SPDL1: variants seen among roughly 807,000 people sequenced by gnomAD.
The protein encoded by SPDL1 is spindle apparatus coiled-coil protein 1, also known as protein Spindly.
SPDL1 carries 85 observed loss-of-function variants against 79.5 expected under a neutral mutation model. That is an observed-to-expected ratio of 1.07 (90% CI 0.90 to 1.28). SPDL1 has a LOEUF of 1.28. Ranked by LOEUF, SPDL1 falls within the 50% of genes most tolerant of loss-of-function variation. The pLI is 0.00. For synonymous variants in SPDL1, 269 were observed against 240.3 expected, an observed-to-expected ratio of 1.12 and a Z score of -1.10; for missense variants, 703 against 697.8, an observed-to-expected ratio of 1.01 and a Z score of -0.08.
intron 10 of SPDL1, 86 bp downstream of exon 10, chr5:169,599,245 A>G: frequency 2.8e-6 from 3 of 1,076,886 alleles, no homozygotes; most frequent in South Asian, 2.4e-5. Context: ...AGTTTTATGC[A>G]ACTCTATTAC....
chr5:169,604,163 G>A lies in SPDL1; in HGVS notation c.1774G>A (p.Val592Met). Residue 592 changes from valine (V) to methionine (M), a missense_variant, in exon 12 of 12, where the codon GTG (valine) becomes ATG (methionine). Coordinates refer to ENST00000265295, the MANE Select transcript of SPDL1 (RefSeq NM_017785.5). ...TAAGAAATTACACCCTATTCTATAT[G>A]TGTCTTCTAAATCTACTCCAGAGAC... ...TCKKLHPILY[V>M]SSKSTPETQC... 6.2e-7 allele frequency: 1 copy of A among 1,610,416 alleles called. No homozygotes were observed. The highest frequency in any genetic ancestry group is 8.5e-7 in the Non-Finnish European group (1 of 1,178,774).
rs142452983 is a variant in SPDL1, at chr5:169,587,746, A to G, written c.-23-648A>G. Among the ~76,000 whole-genome samples the G allele has an allele frequency of 5.7e-3, 872 of 152,160 alleles. 14 individuals are homozygous for G. The highest frequency in any genetic ancestry group is 0.02 in the African/African-American group (847 of 41,502). ...TTCTGGTGGTATTATTGTTATTATC[A>G]TTATTATTTCTCAAGACAGTGTCTT... On this transcript the variant is annotated intron_variant, in intron 1 of 11. Transcript: ENST00000265295.
chr5:169,584,491 C>T (rs578244720), intron 1 of SPDL1, among the ~76,000 whole-genome samples: 1 of 152,144 alleles, frequency 6.6e-6, no homozygotes, highest in African/African-American at 2.4e-5. Context: ...TTTCAGTAAC[C>T]GATTAGGTGG....
At chr5:169,592,213 C>CT (rs1755325849) in intron 3 of SPDL1, among the ~76,000 whole-genome samples, 18 of 27,268 alleles carry the variant, frequency 6.6e-4, no homozygotes, top group East Asian at 3.2e-3. Context: ...ATTTTTTTTT[C>CT]CTTTTTTTTT....
In SPDL1 at chr5:169,594,262, A is replaced by G. The variant is rs763946722; in HGVS notation, c.649A>G (p.Lys217Glu). 4 of 1,614,066 alleles carry G rather than the reference A, an allele frequency of 2.5e-6. No individual in the cohort carries two copies. The Middle Eastern group carries it at 4.9e-4, about 200-fold the overall frequency. The change falls in exon 5 of 12, where the codon AAA (lysine) becomes GAA (glutamate). Residue 217 changes from lysine to glutamate, a missense_variant. Transcript: ENST00000265295. ...RLKEEKEERE[K>E]EAVSYYNALE... is the part of the protein sequence containing the mutation. ...TAAAGAGGAAAAAGAGGAGCGAGAG[A>G]AAGAAGCAGTTTCTTACTATAATGC...
chr5:169,586,111 C>T (rs1754975513), intron 1 of SPDL1: 2 of 152,250 alleles, frequency 1.3e-5, no homozygotes, highest in Admixed American at 1.3e-4. Flanking sequence ...ATCCGTTATC[C>T]TTTGCAGCAA....
intron 3 of SPDL1, 103 bp from the exon 4 acceptor site, chr5:169,593,251 A>T (rs1018044000): frequency 2.3e-5 from 23 of 1,017,396 alleles, no homozygotes; most frequent in Non-Finnish European, 3.1e-5. Flanking sequence ...GGAAACTCCA[A>T]TAGTATCATC....
chr5:169,591,036 A>G lies in SPDL1; in HGVS notation c.160-12A>G, dbSNP rs757605109. 2 of 1,599,568 alleles carry G rather than the reference A, an allele frequency of 1.3e-6. No homozygotes were observed. Among genetic ancestry groups the G allele is most frequent in the Non-Finnish European group, 1.7e-6 (2 of 1,171,412 alleles). On this transcript the variant is annotated splice_polypyrimidine_tract_variant and intron_variant, in intron 2 of 11. Coordinates refer to ENST00000265295, the MANE Select transcript of SPDL1 (RefSeq NM_017785.5). ...TTTTATGTAATTGAATTGTAATTGAATCTGTTTTCAGAGTTATGAACAAGA... is the reference window on the plus strand; with the variant it reads ...TTTTATGTAATTGAATTGTAATTGAGTCTGTTTTCAGAGTTATGAACAAGA...
intron 7 of SPDL1, 33 bp downstream of exon 7, chr5:169,594,714 A>G: frequency 6.7e-7 from 1 of 1,487,656 alleles, no homozygotes; most frequent in Non-Finnish European, 9.3e-7. Context: ...GGTTTATTAA[A>G]CAAATTTTGT....
At chr5:169,600,242 G>A (rs1755812413) in intron 10 of SPDL1, among the ~76,000 whole-genome samples, 1 of 152,176 alleles carries the variant, frequency 6.6e-6, no homozygotes, top group Admixed American at 6.5e-5. Context: ...CAATAGTGGG[G>A]AGGTTGCCAA....
At chr5:169,590,927 G>T (rs371203053) in intron 2 of SPDL1, 121 bp from the exon 3 acceptor site, 5 of 885,580 alleles carry the variant, frequency 5.6e-6, no homozygotes, top group Non-Finnish European at 9.1e-6. Context: ...ACATGTCTTC[G>T]TTATTTGGAA....
chr5:169,598,852 A>C lies in SPDL1; in HGVS notation c.1137-120A>C, dbSNP rs1277515968. 3.0e-6 allele frequency: 4 copies of C among 1,330,578 alleles called. No homozygotes were observed. In the African/African-American group the frequency reaches 4.5e-5, roughly 15 times the overall value. 82.4% of individuals were successfully genotyped at this position (1,330,578 alleles called of 1,614,324 possible). ...AATTGTTTATTGTTTCTTTGTTACTAAAAACCCCAGAAAAATGTATTTTTA... is the reference window on the plus strand; with the variant it reads ...AATTGTTTATTGTTTCTTTGTTACTCAAAACCCCAGAAAAATGTATTTTTA... On this transcript the variant is annotated intron_variant, in intron 9 of 11. Transcript: ENST00000265295.
At chr5:169,603,148 A>G (rs1756022794) in intron 11 of SPDL1, among the ~76,000 whole-genome samples, 1 of 152,106 alleles carries the variant, frequency 6.6e-6, no homozygotes. Context: ...CTAACTTAAA[A>G]TGTTTCCGAC....
intron 3 of SPDL1, among the ~76,000 whole-genome samples, chr5:169,592,094 A>G (rs1755316394): frequency 6.6e-6 from 1 of 151,920 alleles, no homozygotes; most frequent in Admixed American, 6.5e-5. Flanking sequence ...AGCTTCTTGT[A>G]TAGCAGCCTC....
At chr5:169,596,981 TACTC>T (rs758832024) in intron 8 of SPDL1, among the ~76,000 whole-genome samples, 38 of 152,216 alleles carry the variant, frequency 2.5e-4, no homozygotes, top group East Asian at 3.8e-4. Flanking sequence ...TTTCCTCACT[TACTC>T]ATTCATTTAT....
chr5:169,601,381 G>A lies in SPDL1; in HGVS notation c.1426G>A (p.Glu476Lys), dbSNP rs1400628957. The change falls in exon 11 of 12, where the codon GAA becomes AAA. Residue 476 changes from glutamate to lysine, a missense_variant. Glu to Lys is a moderately conservative substitution (Grantham distance 56, BLOSUM62 1). Coordinates refer to ENST00000265295, the MANE Select transcript of SPDL1 (RefSeq NM_017785.5). ...ACVNNSALGG[E>K]VYRLPPQKEE... ...TGTCAACAACAGTGCTCTCGGGGGAGAAGTTTATCGATTACCGCCTCAGAA... is the reference window on the plus strand; with the variant it reads ...TGTCAACAACAGTGCTCTCGGGGGAAAAGTTTATCGATTACCGCCTCAGAA... 6.2e-7 allele frequency: 1 copy of A among 1,613,520 alleles called. No homozygotes were observed. The highest frequency in any genetic ancestry group is 8.5e-7 in the Non-Finnish European group (1 of 1,179,434).
At chr5:169,594,901 T>C (rs1755511904) in intron 7 of SPDL1, among the ~76,000 whole-genome samples, 1 of 152,192 alleles carries the variant, frequency 6.6e-6, no homozygotes, top group Non-Finnish European at 1.5e-5. Flanking sequence ...TAGCAATGAT[T>C]ATTGTTTGTT....
chr5:169,595,259 G>A (rs1389469128), intron 7 of SPDL1: 1 of 152,292 alleles, frequency 6.6e-6, no homozygotes, highest in African/African-American at 2.4e-5. Context: ...TTAGAATCCT[G>A]ATCCCTCATC....
intron 2 of SPDL1, 40 bp from the exon 3 acceptor site, chr5:169,591,008 T>C (rs776052326): frequency 6.5e-7 from 1 of 1,528,768 alleles, no homozygotes; most frequent in African/African-American, 1.4e-5. Flanking sequence ...GGCTTTAGGC[T>C]ATTTTTATGT....
Sources: gnomAD v4.1 joint callset for allele counts (sites outside exome capture counted in the v4.1 genomes callset) on GRCh38, gnomAD v4.1.1 for gene constraint, MANE v1.5 for transcripts, NCBI Gene and HGNC (gene_info 2026-07-23, HGNC 2026-07-21) for gene names.